The following MTREX variants were observed in gnomAD, a reference collection of about 807,000 sequenced individuals.
MTREX encodes exosome RNA helicase MTR4.
In MTREX, 76 loss-of-function variants were observed where a neutral mutation model predicts 135.4. The observed-to-expected ratio is 0.56, with a 90% CI of 0.47 to 0.68. The LOEUF is 0.68. Ranked by LOEUF, MTREX falls within the 30% of genes least tolerant of loss-of-function variation. MTREX has a pLI of 0.00. For synonymous variants in MTREX, 404 were observed against 401.6 expected (o/e 1.01, Z -0.07); for missense variants, 920 against 1,262.1 (o/e 0.73, Z 4.11).
intron 18 of MTREX, among the ~76,000 whole-genome samples, chr5:55,379,886 C>A (rs1750365845): frequency 6.6e-6 from 1 of 152,190 alleles, no homozygotes; most frequent in Admixed American, 6.5e-5. Context: ...TTTACCTATA[C>A]TGAAGTGCTG....
At chr5:55,399,565 G>A (rs552253790) in intron 20 of MTREX, among the ~76,000 whole-genome samples, 2 of 152,004 alleles carry the variant, frequency 1.3e-5, no homozygotes, top group African/African-American at 4.8e-5. Flanking sequence ...TCGGCTCACC[G>A]CAAGCTCCAC....
At chr5:55,415,774 A>G (rs1424344581) in intron 24 of MTREX, among the ~76,000 whole-genome samples, 196 bp from the exon 25 acceptor site, 2 of 152,220 alleles carry the variant, frequency 1.3e-5, no homozygotes, top group African/African-American at 4.8e-5. Context: ...CTACCTCAAC[A>G]TAATGGGAAA....
At chr5:55,323,742 G>A (rs553175212) in intron 2 of MTREX, among the ~76,000 whole-genome samples, 2 of 152,116 alleles carry the variant, frequency 1.3e-5, no homozygotes, top group Non-Finnish European at 2.9e-5. Context: ...ATAAATAATA[G>A]CAACAAATGA....
chr5:55,405,336 A>C (rs1750785097), intron 21 of MTREX, 89 bp from the exon 22 acceptor site: 1 of 1,179,710 alleles, frequency 8.5e-7, no homozygotes. Context: ...TGTTCTTTAA[A>C]AATATTTTTT....
In MTREX at chr5:55,341,789, A is replaced by G; in HGVS notation, c.781+18A>G. The G allele has an allele frequency of 9.0e-7, 1 of 1,108,358 alleles. No homozygotes were observed. The highest frequency in any genetic ancestry group is 1.5e-5 in the South Asian group (1 of 67,652). The allele number at this position is 1,108,358 out of a possible 1,614,324, so 68.7% of individuals were successfully genotyped here. A position where few individuals can be genotyped will look rare whatever the true frequency, so the allele number is the denominator to read the frequency against. Reference sequence around the variant, plus strand: ...AGATTCAGGTATATTCAGTGTTGAAATGTATATCATGTATTTCCCTTCAGA... The same window carrying G: ...AGATTCAGGTATATTCAGTGTTGAAGTGTATATCATGTATTTCCCTTCAGA... On this transcript the variant is annotated intron_variant, in intron 7 of 26. Transcript: ENST00000230640.
intron 11 of MTREX, among the ~76,000 whole-genome samples, chr5:55,347,894 G>GA (rs1377113801): frequency 1.3e-5 from 2 of 152,176 alleles, no homozygotes. Flanking sequence ...CAGGCAAAGA[G>GA]AGGGAGCTTG....
intron 13 of MTREX, among the ~76,000 whole-genome samples, chr5:55,352,155 G>A (rs964693401): frequency 6.6e-6 from 1 of 151,940 alleles, no homozygotes; most frequent in Non-Finnish European, 1.5e-5. Context: ...AAAGTGCTGG[G>A]ATTATAGGTT....
In MTREX at chr5:55,410,608, C is replaced by T. The variant is rs372423252; in HGVS notation, c.2730C>T (p.Ser910=). ...CAGAACAGGCAACAGCATTATTAAG[C>T]TGCTTTGTGTTTCAAGAGAATGTAA... ...LSAEQATALL[S]CFVFQENSSE... The change falls in exon 23 of 27, where the codon AGC becomes AGT. Residue 910 remains serine (S), a synonymous_variant. Transcript: ENST00000230640. The T allele has an allele frequency of 4.4e-6, 7 of 1,604,706 alleles. No individual in the cohort carries two copies. Among genetic ancestry groups the T allele is most frequent in the Non-Finnish European group, 6.0e-6 (7 of 1,174,010 alleles).
intron 4 of MTREX, 104 bp downstream of exon 4, chr5:55,327,882 G>A (rs1749409151): frequency 2.4e-6 from 2 of 840,148 alleles, no homozygotes; most frequent in Admixed American, 4.6e-5. Context: ...ACATGTATAT[G>A]TATGTATCAA....
At chr5:55,308,784 A>G (rs1334178167) in intron 1 of MTREX, among the ~76,000 whole-genome samples, 1 of 152,222 alleles carries the variant, frequency 6.6e-6, no homozygotes, top group Non-Finnish European at 1.5e-5. Flanking sequence ...CAGCCACCAG[A>G]AAGTGTACAG....
chr5:55,399,750 G>A (rs780505370), intron 20 of MTREX, among the ~76,000 whole-genome samples: 13 of 152,166 alleles, frequency 8.5e-5, no homozygotes, highest in South Asian at 2.1e-4. Context: ...GCCTCCCAAA[G>A]TGCTGGGATT....
At position 55,327,773 on chromosome 5, in the gene MTREX, G is replaced by C; in HGVS notation, c.397G>C (p.Ala133Pro). Residue 133 changes from alanine to proline, a missense_variant, in exon 4 of 27, where the codon GCT becomes CCT. Ala to Pro is a conservative substitution (Grantham distance 27, BLOSUM62 -1). Transcript: ENST00000230640. Reference sequence around the variant, plus strand: ...ACTTAAACCACGAGTTGGAAAAGCTGCTAAGGTCTGTACTTTGGGTAATAC... The same window carrying C: ...ACTTAAACCACGAGTTGGAAAAGCTCCTAAGGTCTGTACTTTGGGTAATAC... ...LPLKPRVGKA[A>P]KEYPFILDAF... is the part of the protein sequence containing the mutation. 9 of 1,610,938 alleles carry C rather than the reference G, an allele frequency of 5.6e-6. No homozygotes were observed. The highest frequency in any genetic ancestry group is 7.6e-6 in the Non-Finnish European group (9 of 1,177,382).
intron 18 of MTREX, among the ~76,000 whole-genome samples, chr5:55,385,996 C>T (rs549324498): frequency 1.3e-5 from 2 of 152,074 alleles, no homozygotes; most frequent in African/African-American, 2.4e-5. Flanking sequence ...TTCCATTGCA[C>T]TACCTGAATT....
intron 2 of MTREX, among the ~76,000 whole-genome samples, chr5:55,323,301 G>C (rs187366715): frequency 6.6e-6 from 1 of 152,136 alleles, no homozygotes; most frequent in Non-Finnish European, 1.5e-5. Flanking sequence ...TCAGAAGTAC[G>C]ATAAGTAAGA....
At position 55,308,038 on chromosome 5, in the gene MTREX, C is replaced by T. The variant is rs144892772; in HGVS notation, c.25C>T (p.Leu9=). The T allele has an allele frequency of 1.1e-5, 18 of 1,614,124 alleles. No homozygotes were observed. The African/African-American group carries it at 1.6e-4, about 14-fold the overall frequency. The change falls in exon 1 of 27, where the codon CTG becomes TTG. Residue 9 remains leucine, a synonymous_variant. Transcript: ENST00000230640. MADAFGDE[L]FSVFEGDSTT... ...AATGGCGGACGCATTCGGAGATGAG[C>T]TGTTCAGCGTGTTCGAGGGCGACTC...
At chr5:55,346,435 A>G (rs552842403) in intron 10 of MTREX, among the ~76,000 whole-genome samples, 2 of 152,194 alleles carry the variant, frequency 1.3e-5, no homozygotes, top group African/African-American at 4.8e-5. Flanking sequence ...CTGATTTCCC[A>G]TTTGGAAAGA....
At position 55,351,475 on chromosome 5, in the gene MTREX, T is replaced by C. The variant is rs182486473; in HGVS notation, c.1431+446T>C. On this transcript the variant is annotated intron_variant, in intron 13 of 26. Transcript: ENST00000230640. ...TGAACCCAGGAGGTGGAGGTTGCAGTGAGCGGAGATCACACCATTGTACTC... is the reference window on the plus strand; with the variant it reads ...TGAACCCAGGAGGTGGAGGTTGCAGCGAGCGGAGATCACACCATTGTACTC... Among the ~76,000 whole-genome samples the C allele has an allele frequency of 4.4e-3, 666 of 152,260 alleles. 3 individuals are homozygous for C. The highest frequency in any genetic ancestry group is 0.013 in the South Asian group (65 of 4,820).
At position 55,362,653 on chromosome 5, in the gene MTREX, G is replaced by A. The variant is rs892434820; in HGVS notation, c.1659+3955G>A. ...TAGTATTTCAGGCATGAGCCACCAC[G>A]CCCAGCCAAGACAGCAGTTCTTTTG... On this transcript the variant is annotated intron_variant, in intron 15 of 26. Transcript: ENST00000230640. Among the ~76,000 whole-genome samples the A allele has an allele frequency of 2.0e-5, 3 of 152,060 alleles. 1 individual carries two copies. The highest frequency in any genetic ancestry group is 4.1e-4 in the South Asian group (2 of 4,832).
intron 15 of MTREX, among the ~76,000 whole-genome samples, chr5:55,366,454 A>G (rs530451265): frequency 1.3e-5 from 2 of 152,206 alleles, no homozygotes; most frequent in South Asian, 4.2e-4. Context: ...GCAGTGGGGG[A>G]CCACAAAGAG....
Sources: allele counts gnomAD v4.1 joint callset (sites outside exome capture counted in the v4.1 genomes callset), GRCh38; gene constraint gnomAD v4.1.1; transcripts MANE v1.5; gene names NCBI Gene and HGNC (gene_info 2026-07-23, HGNC 2026-07-21).